TNRC18: variants seen among roughly 807,000 people sequenced by gnomAD.
TNRC18 encodes trinucleotide repeat-containing gene 18 protein.
TNRC18 carries 69 observed loss-of-function variants against 226.7 expected under a neutral mutation model. The observed-to-expected ratio is 0.30, with a 90% CI of 0.25 to 0.37. The LOEUF is 0.37. TNRC18 is among the 10% of genes least tolerant of loss of function. TNRC18 has a pLI of 1.00. For missense variants in TNRC18, 4,754 were observed against 4,256.6 expected (o/e 1.12, Z -3.25); for synonymous variants, 2,449 against 1,927.6 (o/e 1.27, Z -7.09).
At chr7:5,321,935 T>C (rs1788409440) in intron 21 of TNRC18, among the ~76,000 whole-genome samples, 1 of 151,820 alleles carries the variant, frequency 6.6e-6, no homozygotes, top group South Asian at 2.1e-4. Flanking sequence ...GCCTCCCAAG[T>C]ACTGGGATTA....
Position 5,308,821 on chromosome 7 carries a change from C to G in TNRC18, c.8700+54G>C, listed in dbSNP as rs545086125. On this transcript the variant is annotated intron_variant, in intron 29 of 29. Coordinates refer to ENST00000430969, the MANE Select transcript of TNRC18 (RefSeq NM_001080495.3). ...TGAGCCGGGCCCTGTCTGAGCTGCC[C>G]GGAAGGAAGCAGCCATCCCCAACCC... 5.9e-6 allele frequency: 9 copies of G among 1,536,758 alleles called. No individual in the cohort carries two copies. The South Asian group carries it at 1.1e-4, about 18-fold the overall frequency.
chr7:5,339,871 T>A (rs1034369406), intron 18 of TNRC18, among the ~76,000 whole-genome samples: 2 of 151,630 alleles, frequency 1.3e-5, no homozygotes, highest in Non-Finnish European at 2.9e-5. Context: ...CACCCGGCTG[T>A]ATGTTCTTTA....
At position 5,309,553 on chromosome 7, in the gene TNRC18, C is replaced by T. The variant is rs1000073269; in HGVS notation, c.8389-185G>A. On this transcript the variant is annotated intron_variant, in intron 27 of 29. Coordinates refer to ENST00000430969, the MANE Select transcript of TNRC18 (RefSeq NM_001080495.3). The surrounding 1 kb of genome is among the most constrained non-coding windows in gnomAD (Gnocchi z 5.7). ...GGAAGCCCCTCTTCCATCTCTTTGA[C>T]ATGCTGGGTCTCCAAGAGGCGCTTC... Among the ~76,000 whole-genome samples the T allele has an allele frequency of 2.0e-5, 3 of 152,392 alleles. No homozygotes were observed. The highest frequency in any genetic ancestry group is 7.2e-5 in the African/African-American group (3 of 41,602).
rs1193946799 is a variant in TNRC18 at position 5,308,174 on chromosome 7, G to A, written c.8839C>T (p.Leu2947Phe). The A allele has an allele frequency of 6.3e-7, 1 of 1,595,854 alleles. No individual in the cohort carries two copies. Among genetic ancestry groups the A allele is most frequent in the Non-Finnish European group, 8.5e-7 (1 of 1,172,280 alleles). Residue 2947 changes from leucine (L) to phenylalanine (F), a missense_variant, in exon 30 of 30, where the codon CTC becomes TTC. Coordinates refer to ENST00000430969, the MANE Select transcript of TNRC18 (RefSeq NM_001080495.3). ...KYQDSEGLYY[L>F]AGTYEPTTGM... ...GTGGTGGGCTCGTAGGTGCCCGCGA[G>A]GTAGTACAGGCCCTCGCTGTCCTGG...
rs1490232546 is a variant in TNRC18, at chr7:5,307,773, A to G, written c.*333T>C. ...TGGACCTGGGGGCACCCGGGCCCCC[A>G]CGCAGCAGCAGCCTGGAGGGCCGGC... On this transcript the variant is annotated 3_prime_UTR_variant, in exon 30 of 30. Coordinates refer to ENST00000430969, the MANE Select transcript of TNRC18 (RefSeq NM_001080495.3). The G allele has an allele frequency of 2.6e-6, 1 of 391,954 alleles. No individual in the cohort carries two copies. Among genetic ancestry groups the G allele is most frequent in the Non-Finnish European group, 4.9e-6 (1 of 205,872 alleles). The allele number at this position is 391,954 out of a possible 1,614,324, so 24.3% of individuals were successfully genotyped here.
chr7:5,415,369 CTTTT>C (rs368389351), intron 2 of TNRC18, among the ~76,000 whole-genome samples: 2,048 of 82,982 alleles, frequency 0.025, 50 homozygotes, highest in African/African-American at 0.098. Flanking sequence ...CTGTGTCCCT[CTTTT>C]TTTTTTTTTT....
At chr7:5,362,421 G>A (rs114826628) in intron 12 of TNRC18, among the ~76,000 whole-genome samples, 6 of 152,098 alleles carry the variant, frequency 3.9e-5, no homozygotes, top group African/African-American at 9.7e-5. Flanking sequence ...GGATCACACC[G>A]CGACCTGTGT....
chr7:5,390,947 C>T (rs1256393364), intron 3 of TNRC18, among the ~76,000 whole-genome samples: 1 of 152,126 alleles, frequency 6.6e-6, no homozygotes, highest in Non-Finnish European at 1.5e-5. Context: ...CTCATTTAAA[C>T]CTCAAAAACA....
At chr7:5,400,628 A>G (rs1377156559) in intron 2 of TNRC18, among the ~76,000 whole-genome samples, 2 of 152,118 alleles carry the variant, frequency 1.3e-5, no homozygotes, top group African/African-American at 4.8e-5. Context: ...ATAAATATTC[A>G]ATTTTGAAAC....
chr7:5,401,610 C>T (rs1395025741), intron 2 of TNRC18, among the ~76,000 whole-genome samples: 1 of 152,212 alleles, frequency 6.6e-6, no homozygotes, highest in East Asian at 1.9e-4. Context: ...TGTCTGCTGC[C>T]TGTTGCCAGG....
rs1562470144 is a variant in TNRC18 at position 5,309,032 on chromosome 7, C to G, written c.8626-83G>C. 9.3e-6 allele frequency: 14 copies of G among 1,508,922 alleles called. 1 individual carries two copies. Among genetic ancestry groups the G allele is most frequent in the Admixed American group, 5.9e-5 (3 of 51,076 alleles). The allele number at this position is 1,508,922 out of a possible 1,614,324, so 93.5% of individuals were successfully genotyped here. Reference sequence around the variant, plus strand: ...CAGGCCCCAGGACAGGGCTGACCCACTGGGCAGGGCTGCTGATGCTCCAGC... The same window carrying G: ...CAGGCCCCAGGACAGGGCTGACCCAGTGGGCAGGGCTGCTGATGCTCCAGC... On this transcript the variant is annotated intron_variant, in intron 28 of 29. Transcript: ENST00000430969. The surrounding 1 kb of genome is among the most constrained non-coding windows in gnomAD (Gnocchi z 5.7).
intron 18 of TNRC18, 45 bp downstream of exon 18, chr7:5,345,517 G>GGGGGGGGGGGGGCCCC: frequency 5.3e-6 from 2 of 377,744 alleles, no homozygotes; most frequent in Non-Finnish European, 4.8e-6. Flanking sequence ...AATGGCGTCC[G>GGGGGGGGGGGGGCCCC]CCCCTCCCAC....
chr7:5,383,599 G>T (rs1474779403), intron 5 of TNRC18, among the ~76,000 whole-genome samples: 8 of 152,258 alleles, frequency 5.3e-5, no homozygotes, highest in African/African-American at 1.7e-4. Flanking sequence ...CAAGAGACTG[G>T]GGCGAGAACC....
In TNRC18 at chr7:5,328,668, C is replaced by T. The variant is rs527441348; in HGVS notation, c.6148-3420G>A. Among the ~76,000 whole-genome samples, 6 of 152,124 alleles carry T rather than the reference C, an allele frequency of 3.9e-5. No homozygotes were observed. In the South Asian group the frequency reaches 1.2e-3, roughly 32 times the overall value. ...GGACTACAGGTGACCGCCACCACACCCGGCTACTTTTTTGTATTTTTTTAG... is the reference window on the plus strand; with the variant it reads ...GGACTACAGGTGACCGCCACCACACTCGGCTACTTTTTTGTATTTTTTTAG... On this transcript the variant is annotated intron_variant, in intron 19 of 29. Coordinates refer to ENST00000430969, the MANE Select transcript of TNRC18 (RefSeq NM_001080495.3).
At chr7:5,396,348 A>AG (rs1198960135) in intron 2 of TNRC18, among the ~76,000 whole-genome samples, 2 of 150,820 alleles carry the variant, frequency 1.3e-5, no homozygotes, top group East Asian at 3.9e-4. Context: ...ACTCCGTCTC[A>AG]AAAAAAAACA....
intron 2 of TNRC18, among the ~76,000 whole-genome samples, chr7:5,398,540 A>C (rs1017469050): frequency 6.6e-6 from 1 of 151,882 alleles, no homozygotes; most frequent in Non-Finnish European, 1.5e-5. Context: ...GCTGGTCTCA[A>C]ACTGCAGGCC....
intron 18 of TNRC18, among the ~76,000 whole-genome samples, chr7:5,344,055 C>T (rs1790928271): frequency 6.6e-6 from 1 of 152,238 alleles, no homozygotes. Flanking sequence ...GGAGACATCA[C>T]TACAGACCCT....
chr7:5,374,584 G>A, intron 9 of TNRC18, 100 bp from the exon 10 acceptor site: 1 of 1,273,752 alleles, frequency 7.9e-7, no homozygotes, highest in Non-Finnish European at 1.0e-6. Context: ...AGTCCGAGGA[G>A]AACCTCATGC....
intron 16 of TNRC18, among the ~76,000 whole-genome samples, 194 bp downstream of exon 16, chr7:5,356,722 T>C (rs890833880): frequency 1.3e-5 from 2 of 151,414 alleles, no homozygotes; most frequent in African/African-American, 4.9e-5. Context: ...CACAGGCATA[T>C]CCGCTTCAGG....
Sources: gnomAD v4.1 joint callset for allele counts (sites outside exome capture counted in the v4.1 genomes callset) on GRCh38, gnomAD v4.1.1 for gene constraint, Gnocchi (gnomAD v3.1) non-coding constraint, MANE v1.5 for transcripts, NCBI Gene and HGNC (gene_info 2026-07-23, HGNC 2026-07-21) for gene names.